Variants in CTNNA2 observed in about 807,000 individuals in gnomAD.
CTNNA2 encodes catenin alpha 2, also known as catenin alpha-2.
Under a neutral mutation model 101.0 loss-of-function variants are expected in CTNNA2, and 42 were observed. The ratio of observed to expected loss-of-function variants is 0.42; its 90% confidence interval spans 0.32 to 0.54. The LOEUF is 0.54. Among genes scored for constraint, CTNNA2 ranks in the 20% least tolerant of loss-of-function variants. The pLI, the probability that CTNNA2 is intolerant of heterozygous loss-of-function variation, is 0.14. For synonymous variants in CTNNA2, 450 were observed against 456.4 expected (o/e 0.99, Z 0.18); for missense variants, 871 against 1,223.1 (o/e 0.71, Z 4.29).
chr2:79,509,450 T>C (rs1341326032), upstream of CTNNA2, among the ~76,000 whole-genome samples: 13 of 152,110 alleles, frequency 8.5e-5, no homozygotes. Context: ...TGTCAAGCCA[T>C]GAAAATACAT....
chr2:80,420,670 T>G (rs1573998230), intron 9 of CTNNA2, among the ~76,000 whole-genome samples: 1 of 152,148 alleles, frequency 6.6e-6, no homozygotes, highest in East Asian at 1.9e-4. Flanking sequence ...GGTGTTCGAT[T>G]TAGTTGCATG....
chr2:80,201,909 A>G (rs1448746168), intron 7 of CTNNA2, among the ~76,000 whole-genome samples: 1 of 152,176 alleles, frequency 6.6e-6, no homozygotes, highest in Non-Finnish European at 1.5e-5. Context: ...TGGAGAAAAC[A>G]TTAATCTGCT....
At chr2:80,546,192 C>T in intron 11 of CTNNA2, 129 bp downstream of exon 11, 1 of 1,133,672 alleles carries the variant, frequency 8.8e-7, no homozygotes, top group Non-Finnish European at 1.2e-6. Flanking sequence ...CTTTTTTGAT[C>T]ATCTCTGCAA....
chr2:79,314,592 T>A lies in CTNNA2; in HGVS notation c.-318+1796T>A, dbSNP rs186340494. 2.2e-3 allele frequency among the ~76,000 whole-genome samples: 328 copies of A among 152,328 alleles called. 1 individual carries two copies. The highest frequency in any genetic ancestry group is 7.2e-3 in the African/African-American group (299 of 41,578). Reference sequence around the variant, plus strand: ...TCCAGGTCTAGAATAATTTTAGGCATCTTTCCTCTCAGGGGCATGGACCAA... The same window carrying A: ...TCCAGGTCTAGAATAATTTTAGGCAACTTTCCTCTCAGGGGCATGGACCAA... On this transcript the variant is annotated intron_variant, in intron 3 of 21. Coordinates refer to the CTNNA2 transcript ENST00000466387.
intron 7 of CTNNA2, among the ~76,000 whole-genome samples, chr2:80,236,140 C>G (rs1171149298): frequency 6.6e-6 from 1 of 152,154 alleles, no homozygotes; most frequent in Non-Finnish European, 1.5e-5. Flanking sequence ...AAGACATGAT[C>G]TTGTTCTTTT....
chr2:79,583,305 A>G (rs114597870), intron 1 of CTNNA2, among the ~76,000 whole-genome samples: 5,128 of 152,054 alleles, frequency 0.034, 283 homozygotes, highest in African/African-American at 0.12. Context: ...AAAAGTTTAT[A>G]CAGAAAAATT....
intron 4 of CTNNA2, among the ~76,000 whole-genome samples, chr2:79,432,326 A>T (rs895418639): frequency 2.6e-5 from 4 of 152,204 alleles, no homozygotes; most frequent in African/African-American, 9.7e-5. Context: ...TCCTCATTCA[A>T]GGCTAGATAC....
At chr2:79,683,792 C>T (rs1683748144) in intron 2 of CTNNA2, among the ~76,000 whole-genome samples, 1 of 152,208 alleles carries the variant, frequency 6.6e-6, no homozygotes, top group African/African-American at 2.4e-5. Context: ...AACACAGATG[C>T]ATACAGGCAA....
At chr2:79,802,796 T>C (rs996955352) in intron 3 of CTNNA2, among the ~76,000 whole-genome samples, 1 of 152,234 alleles carries the variant, frequency 6.6e-6, no homozygotes, top group Non-Finnish European at 1.5e-5. Flanking sequence ...TGTTTATGAA[T>C]TGTCAGTTCT....
At chr2:80,135,380 T>C (rs938083750) in intron 7 of CTNNA2, among the ~76,000 whole-genome samples, 5 of 152,222 alleles carry the variant, frequency 3.3e-5, no homozygotes, top group Admixed American at 2.0e-4. Context: ...AGGAGGGCTC[T>C]GGACAGGAGA....
intron 7 of CTNNA2, among the ~76,000 whole-genome samples, chr2:80,150,396 C>A (rs1703624909): frequency 1.3e-5 from 2 of 152,132 alleles, no homozygotes; most frequent in Admixed American, 1.3e-4. Flanking sequence ...ACCTTGCATG[C>A]CGCTCACTTG....
chr2:79,579,969 A>G (rs556221540), intron 1 of CTNNA2, among the ~76,000 whole-genome samples: 2 of 152,234 alleles, frequency 1.3e-5, no homozygotes, highest in Non-Finnish European at 2.9e-5. Context: ...AGACCATCTG[A>G]CACTGAAAAA....
At chr2:79,616,912 T>TC (rs1678660483) in intron 1 of CTNNA2, among the ~76,000 whole-genome samples, 1 of 151,484 alleles carries the variant, frequency 6.6e-6, no homozygotes, top group African/African-American at 2.4e-5. Flanking sequence ...TTTCTTTCTT[T>TC]TTTTTTCGAG....
At chr2:79,466,384 C>T (rs920729390) in intron 4 of CTNNA2, among the ~76,000 whole-genome samples, 1 of 152,206 alleles carries the variant, frequency 6.6e-6, no homozygotes, top group African/African-American at 2.4e-5. Flanking sequence ...AGCCTGGAAG[C>T]TCGAACTGGG....
chr2:80,224,532 T>C (rs1261661538), intron 7 of CTNNA2, among the ~76,000 whole-genome samples: 5 of 151,658 alleles, frequency 3.3e-5, no homozygotes, highest in Non-Finnish European at 5.9e-5. Flanking sequence ...GCAACCTCCA[T>C]CTCCTGGGTT....
intron 3 of CTNNA2, among the ~76,000 whole-genome samples, chr2:79,832,346 A>G (rs73941326): frequency 2.4e-4 from 36 of 152,346 alleles, no homozygotes; most frequent in African/African-American, 8.4e-4. Flanking sequence ...TAAAGCATTT[A>G]CTAATCCTGT....
chr2:80,084,323 C>G (rs978231043), intron 7 of CTNNA2, among the ~76,000 whole-genome samples: 2 of 152,136 alleles, frequency 1.3e-5, no homozygotes, highest in African/African-American at 4.8e-5. Context: ...GATAGATGTC[C>G]TCTGTTGGAC....
At chr2:80,615,069 T>C (rs1039572243) in intron 17 of CTNNA2, among the ~76,000 whole-genome samples, 1 of 151,468 alleles carries the variant, frequency 6.6e-6, no homozygotes, top group African/African-American at 2.4e-5. Flanking sequence ...AACAAGGTGA[T>C]ATAATGTGAA....
At chr2:79,287,914 G>A (rs556227135) in intron 2 of CTNNA2, among the ~76,000 whole-genome samples, 25 of 152,320 alleles carry the variant, frequency 1.6e-4, no homozygotes, top group African/African-American at 4.8e-4. Flanking sequence ...CACGGGCGTC[G>A]GACCCTCTGA....
Sources: gnomAD v4.1 joint callset for allele counts (sites outside exome capture counted in the v4.1 genomes callset) on GRCh38, gnomAD v4.1.1 for gene constraint, MANE v1.5 for transcripts, NCBI Gene and HGNC (gene_info 2026-07-23, HGNC 2026-07-21) for gene names.